Variants in ATP6V0A4 observed in about 807,000 individuals in gnomAD.
ATP6V0A4 encodes the protein V-type proton ATPase 116 kDa subunit a 4.
ATP6V0A4 carries 86 observed loss-of-function variants against 107.3 expected under a neutral mutation model. That is an observed-to-expected ratio of 0.80 (90% CI 0.67 to 0.96). The LOEUF is 0.96. Among genes scored for constraint, ATP6V0A4 ranks in the 40% least tolerant of loss-of-function variants. ATP6V0A4 has a pLI of 0.00. For missense variants in ATP6V0A4, 908 were observed against 1,045.6 expected (o/e 0.87, Z 1.81); for synonymous variants, 353 against 381.4 (o/e 0.93, Z 0.87).
At chr7:138,768,954 T>C in intron 4 of ATP6V0A4, 80 bp from the exon 5 acceptor site, 1 of 1,592,568 alleles carries the variant, frequency 6.3e-7, no homozygotes, top group African/African-American at 1.3e-5. Flanking sequence ...GCAAGACATG[T>C]GCCTTTCACT....
intron 17 of ATP6V0A4, chr7:138,729,066 A>G: frequency 1.5e-6 from 1 of 654,078 alleles, no homozygotes; most frequent in African/African-American, 2.0e-5. Flanking sequence ...CAAATGTTCG[A>G]CACGGGGTAG....
chr7:138,713,972 G>A (rs1161365189), intron 20 of ATP6V0A4, among the ~76,000 whole-genome samples: 3 of 150,864 alleles, frequency 2.0e-5, no homozygotes, highest in Non-Finnish European at 4.4e-5. Flanking sequence ...GTATGTTGGT[G>A]TGTGCCTATA....
chr7:138,794,028 G>GGAAC (rs1421290438), intron 1 of ATP6V0A4, among the ~76,000 whole-genome samples: 1 of 152,116 alleles, frequency 6.6e-6, no homozygotes, highest in Non-Finnish European at 1.5e-5. Context: ...TTCCTAAAAG[G>GGAAC]GAACCTCTTG....
chr7:138,777,626 A>AT (rs1807722056), intron 2 of ATP6V0A4, among the ~76,000 whole-genome samples: 3 of 144,852 alleles, frequency 2.1e-5, no homozygotes, highest in African/African-American at 8.2e-5. Context: ...AAAAAAAAAA[A>AT]AAAAAATACA....
chr7:138,729,121 A>T (rs1375208689), intron 17 of ATP6V0A4, among the ~76,000 whole-genome samples: 3 of 152,186 alleles, frequency 2.0e-5, no homozygotes, highest in Admixed American at 6.5e-5. Flanking sequence ...AGTCCCTTGT[A>T]CCATACGTAA....
At chr7:138,745,628 G>C in intron 13 of ATP6V0A4, among the ~76,000 whole-genome samples, 1 of 128,394 alleles carries the variant, frequency 7.8e-6, no homozygotes, top group Admixed American at 9.3e-5. Flanking sequence ...AGTGAGCCAA[G>C]ATTGCACCAC....
In ATP6V0A4 at chr7:138,709,765, A is replaced by G; in HGVS notation, c.2288T>C (p.Met763Thr). 2 of 1,614,084 alleles carry G rather than the reference A, an allele frequency of 1.2e-6. No individual in the cohort carries two copies. The highest frequency in any genetic ancestry group is 1.7e-6 in the Non-Finnish European group (2 of 1,179,946). ...GCCTCGCGTCTGAAGGCCGCTGTTC[A>G]TCACCATAGTCCAGAGCACTTCAGA... ...QLSEVLWTMV[M>T]NSGLQTRGWG... Residue 763 changes from methionine (M) to threonine (T), a missense_variant, in exon 21 of 22, where the codon ATG becomes ACG. By Grantham distance (81) the Met-to-Thr change is moderately conservative. Coordinates refer to ENST00000310018, the MANE Select transcript of ATP6V0A4 (RefSeq NM_020632.3).
chr7:138,767,525 A>G (rs528862805), intron 5 of ATP6V0A4, among the ~76,000 whole-genome samples: 54 of 152,306 alleles, frequency 3.5e-4, no homozygotes, highest in African/African-American at 1.2e-3. Flanking sequence ...TCCATCTCAA[A>G]AAAATATGAT....
intron 3 of ATP6V0A4, among the ~76,000 whole-genome samples, chr7:138,769,687 C>T (rs118166287): frequency 0.029 from 4,476 of 152,172 alleles, 102 homozygotes; most frequent in Non-Finnish European, 0.046. Flanking sequence ...CAGATACTTC[C>T]ATGCACAAGA....
intron 8 of ATP6V0A4, 60 bp downstream of exon 8, chr7:138,759,692 C>A: frequency 6.3e-7 from 1 of 1,577,598 alleles, no homozygotes; most frequent in South Asian, 1.1e-5. Context: ...GAGAACGAAG[C>A]GCTTCTGCTG....
chr7:138,739,771 C>T, intron 14 of ATP6V0A4, 138 bp from the exon 15 acceptor site: 3 of 1,413,110 alleles, frequency 2.1e-6, no homozygotes, highest in African/African-American at 1.4e-5. Context: ...TCAATATCTA[C>T]TACACATCAA....
intron 19 of ATP6V0A4, among the ~76,000 whole-genome samples, chr7:138,716,573 TTTGG>T (rs1164570610): frequency 2.4e-5 from 3 of 123,880 alleles, no homozygotes; most frequent in African/African-American, 8.5e-5. Flanking sequence ...ACAATTTTTT[TTTGG>T]GGGGGGGGGA....
chr7:138,717,769 G>A (rs1804120684), intron 19 of ATP6V0A4, among the ~76,000 whole-genome samples: 1 of 150,734 alleles, frequency 6.6e-6, no homozygotes, highest in Non-Finnish European at 1.5e-5. Context: ...TTAGACAGGG[G>A]TGGTGGCGCA....
At chr7:138,745,811 G>A (rs1805894744) in intron 13 of ATP6V0A4, among the ~76,000 whole-genome samples, 1 of 148,006 alleles carries the variant, frequency 6.8e-6, no homozygotes, top group African/African-American at 2.5e-5. Flanking sequence ...CAGATGTGGT[G>A]GTATGCACGT....
At position 138,784,693 on chromosome 7, in the gene ATP6V0A4, G is replaced by A. The variant is rs140830514; in HGVS notation, c.-18+1465C>T. On this transcript the variant is annotated intron_variant, in intron 2 of 21. Coordinates refer to ENST00000310018, the MANE Select transcript of ATP6V0A4 (RefSeq NM_020632.3). ...AAAATAATATTTAAATTCAGCATTC[G>A]GTCTTGAGAGAAACAACTTTCTTAG... 5.4e-4 allele frequency among the ~76,000 whole-genome samples: 82 copies of A among 152,108 alleles called. 1 individual carries two copies. The East Asian group carries it at 0.011, about 21-fold the overall frequency.
chr7:138,764,362 A>G (rs74335132), intron 5 of ATP6V0A4, among the ~76,000 whole-genome samples: 3,257 of 152,200 alleles, frequency 0.021, 159 homozygotes, highest in African/African-American at 0.073. Flanking sequence ...TGTTTTATAA[A>G]AATTCTACTA....
rs759834814 is a variant in ATP6V0A4, at chr7:138,709,765, A to C, written c.2288T>G (p.Met763Arg). The C allele has an allele frequency of 1.2e-6, 2 of 1,614,084 alleles. No homozygotes were observed. The highest frequency in any genetic ancestry group is 1.7e-6 in the Non-Finnish European group (2 of 1,179,946). The change falls in exon 21 of 22, where the codon ATG becomes AGG. Residue 763 changes from methionine (M) to arginine (R), a missense_variant. Physicochemically the swap from Met to Arg is moderately conservative, Grantham distance 91. Coordinates refer to ENST00000310018, the MANE Select transcript of ATP6V0A4 (RefSeq NM_020632.3). ...QLSEVLWTMV[M>R]NSGLQTRGWG... ...GCCTCGCGTCTGAAGGCCGCTGTTC[A>C]TCACCATAGTCCAGAGCACTTCAGA... is the stretch of plus-strand genomic sequence containing the variant.
chr7:138,748,244 A>G lies in ATP6V0A4; in HGVS notation c.1181-680T>C, dbSNP rs140762872. On this transcript the variant is annotated intron_variant, in intron 12 of 21. Transcript: ENST00000310018. ...CCCATCTTTTGTCTGTTTCCCCACC[A>G]TTCACATGCACCACACACCACCAGC... Among the ~76,000 whole-genome samples the G allele has an allele frequency of 8.3e-4, 126 of 151,942 alleles. No homozygotes were observed. In the East Asian group the frequency reaches 0.024, roughly 29 times the overall value.
At position 138,733,050 on chromosome 7, in the gene ATP6V0A4, C is replaced by G. The variant is rs1469803021; in HGVS notation, c.1735G>C (p.Glu579Gln). The G allele has an allele frequency of 3.7e-6, 6 of 1,613,870 alleles. No individual in the cohort carries two copies. The Admixed American group carries it at 1.0e-4, about 27-fold the overall frequency. ...AACAGACACAGGATAAAAATCATCT[C>G]AGGGATAAATTGCAGAATGATGTTG... ...TLNIILQFIPEMIFILCLFGY... is the reference protein window; with the variant it reads ...TLNIILQFIPQMIFILCLFGY... The change falls in exon 17 of 22, where the codon GAG becomes CAG. Residue 579 changes from glutamate to glutamine, a missense_variant. Coordinates refer to ENST00000310018, the MANE Select transcript of ATP6V0A4 (RefSeq NM_020632.3).
Sources: allele counts gnomAD v4.1 joint callset (sites outside exome capture counted in the v4.1 genomes callset), GRCh38; gene constraint gnomAD v4.1.1; transcripts MANE v1.5; gene names NCBI Gene and HGNC (gene_info 2026-07-23, HGNC 2026-07-21).